The following OSBPL9 variants were observed in gnomAD, a reference collection of about 807,000 sequenced individuals.
The protein encoded by OSBPL9 is oxysterol binding protein like 9.
A neutral mutation model predicts 106.6 loss-of-function variants in OSBPL9; 40 were observed. The ratio of observed to expected loss-of-function variants is 0.38; its 90% confidence interval spans 0.29 to 0.49. The LOEUF is 0.49. Among genes scored for constraint, OSBPL9 ranks in the 20% least tolerant of loss-of-function variants. The pLI is 0.97. For synonymous variants in OSBPL9, 269 were observed against 295.4 expected, an observed-to-expected ratio of 0.91 and a Z score of 0.92; for missense variants, 609 against 887.2, an observed-to-expected ratio of 0.69 and a Z score of 3.98.
At chr1:51,689,475 A>T (rs1243032279) in intron 3 of OSBPL9, among the ~76,000 whole-genome samples, 2 of 151,970 alleles carry the variant, frequency 1.3e-5, no homozygotes, top group Admixed American at 6.6e-5. Context: ...TTGAAGTTCT[A>T]TATTTTCCCT....
At chr1:51,730,268 C>CTTTTT in intron 4 of OSBPL9, 1 of 771,066 alleles carries the variant, frequency 1.3e-6, no homozygotes, top group African/African-American at 1.8e-5. Context: ...GAGGAGGTCT[C>CTTTTT]TTTTTTTCTA....
chr1:51,591,772 A>G (rs867497643), intron 1 of OSBPL9, among the ~76,000 whole-genome samples: 1 of 149,374 alleles, frequency 6.7e-6, no homozygotes, highest in South Asian at 2.1e-4. Flanking sequence ...AGCCTGGGCA[A>G]CAGAGCAAGA....
At position 51,590,634 on chromosome 1, in the gene OSBPL9, AAG is replaced by A. The variant is rs1339485888; in HGVS notation, c.-422-7488_-422-7487del. Among the ~76,000 whole-genome samples, 310 of 151,426 alleles carry A rather than the reference AAG, an allele frequency of 2.0e-3. 1 individual carries two copies. The highest frequency in any genetic ancestry group is 7.3e-3 in the African/African-American group (300 of 41,302). On this transcript the variant is annotated intron_variant, in intron 1 of 25. Coordinates refer to the OSBPL9 transcript ENST00000371714. ...GACTCCGTCTCAAAAAAAAAAAAAA[AAG>A]AAAAAAAAGAAAAAAAAAGTCACGT...
chr1:51,627,377 A>G lies in OSBPL9; in HGVS notation c.111+10156A>G, dbSNP rs549084036. ...CATGTGGATATCCAGTTGTCCGAGC[A>G]TCATCTGTTGGAAAGACTTCTTTCT... On this transcript the variant is annotated intron_variant, in intron 1 of 23. Coordinates refer to ENST00000428468, the MANE Select transcript of OSBPL9 (RefSeq NM_024586.6). Among the ~76,000 whole-genome samples the G allele has an allele frequency of 1.1e-3, 174 of 152,112 alleles. 3 individuals are homozygous for G. The highest frequency in any genetic ancestry group is 3.1e-4 in the Non-Finnish European group (21 of 68,018).
At chr1:51,536,105 T>G in the OSBPL9 span, among the ~76,000 whole-genome samples, 1 of 152,142 alleles carries the variant, frequency 6.6e-6, no homozygotes. Context: ...CTTATATACC[T>G]ACATACCCAC....
chr1:51,675,460 C>A (rs1650965468), intron 3 of OSBPL9, among the ~76,000 whole-genome samples: 2 of 151,538 alleles, frequency 1.3e-5, no homozygotes, highest in Admixed American at 1.3e-4. Flanking sequence ...TTTATGTAGA[C>A]CGAATAAAAT....
chr1:51,519,268 G>A, the OSBPL9 span: 1 of 1,280,240 alleles, frequency 7.8e-7, no homozygotes, highest in African/African-American at 1.5e-5. Context: ...AAGGAAGACG[G>A]GCTGACTGGG....
intron 3 of OSBPL9, among the ~76,000 whole-genome samples, chr1:51,670,160 G>A (rs1309965503): frequency 6.6e-6 from 1 of 152,118 alleles, no homozygotes; most frequent in African/African-American, 2.4e-5. Context: ...ATTTTGCTTT[G>A]AAAACTCTAA....
chr1:51,784,430 T>C lies in OSBPL9; in HGVS notation c.1689-12T>C, dbSNP rs2149158212. 6.2e-7 allele frequency: 1 copy of C among 1,614,058 alleles called. No individual in the cohort carries two copies. Among genetic ancestry groups the C allele is most frequent in the Non-Finnish European group, 8.5e-7 (1 of 1,179,908 alleles). On this transcript the variant is annotated splice_polypyrimidine_tract_variant and intron_variant, in intron 19 of 23. Transcript: ENST00000428468. ...AACTGTCAACCTTACCTAAAAACTT[T>C]TGATTTTGCAGGTCTATCCTCACAG...
intron 3 of OSBPL9, among the ~76,000 whole-genome samples, chr1:51,677,716 A>C (rs1651607926): frequency 6.6e-6 from 1 of 151,948 alleles, no homozygotes; most frequent in African/African-American, 2.4e-5. Flanking sequence ...ACTCTCGGCT[A>C]ATTTTTGTAT....
chr1:51,519,257 G>T, the OSBPL9 span: 1 of 1,137,948 alleles, frequency 8.8e-7, no homozygotes, highest in Non-Finnish European at 1.1e-6. Context: ...CAAGGGAGGG[G>T]AAGGAAGACG....
At chr1:51,709,285 A>G in intron 3 of OSBPL9, 1 of 216,168 alleles carries the variant, frequency 4.6e-6, no homozygotes, top group Non-Finnish European at 9.8e-6. Flanking sequence ...CTGGAGGGGC[A>G]CCTGGCCAGC....
At chr1:51,628,686 T>C (rs1434567166) in intron 1 of OSBPL9, among the ~76,000 whole-genome samples, 1 of 140,316 alleles carries the variant, frequency 7.1e-6, no homozygotes, top group Admixed American at 7.0e-5. Context: ...CTTTTTTTCT[T>C]TTTTTTTTTT....
chr1:51,756,173 A>T, intron 8 of OSBPL9, 147 bp from the exon 9 acceptor site: 1 of 654,186 alleles, frequency 1.5e-6, no homozygotes, highest in East Asian at 2.8e-5. Flanking sequence ...AAGAATGTAC[A>T]CATGGAATTA....
At chr1:51,703,823 T>G (rs1284146509) in intron 3 of OSBPL9, among the ~76,000 whole-genome samples, 2 of 152,226 alleles carry the variant, frequency 1.3e-5, no homozygotes, top group Admixed American at 1.3e-4. Context: ...AACACCTAAT[T>G]TATTGAGAGT....
intron 12 of OSBPL9, among the ~76,000 whole-genome samples, chr1:51,768,081 A>G (rs1673003999): frequency 6.6e-6 from 1 of 151,204 alleles, no homozygotes. Context: ...AGCTGGGACT[A>G]CAGGCGCCCG....
chr1:51,589,712 G>C (rs1181124460), intron 1 of OSBPL9, among the ~76,000 whole-genome samples: 1 of 151,796 alleles, frequency 6.6e-6, no homozygotes, highest in African/African-American at 2.4e-5. Context: ...AATGTGGCTG[G>C]AACATAATGA....
intron 1 of OSBPL9, among the ~76,000 whole-genome samples, chr1:51,622,170 AG>A (rs1644478283): frequency 6.6e-6 from 1 of 152,204 alleles, no homozygotes; most frequent in South Asian, 2.1e-4. Flanking sequence ...AAAGGAAGAT[AG>A]GAAGAACAGG....
the OSBPL9 span, among the ~76,000 whole-genome samples, chr1:51,556,495 AG>A: frequency 6.6e-6 from 1 of 152,090 alleles, no homozygotes; most frequent in Non-Finnish European, 1.5e-5. Context: ...AGCTGGGGGT[AG>A]GGTGCTATGA....
Sources: gnomAD v4.1 joint callset for allele counts (sites outside exome capture counted in the v4.1 genomes callset) on GRCh38, gnomAD v4.1.1 for gene constraint, MANE v1.5 for transcripts, NCBI Gene and HGNC (gene_info 2026-07-23, HGNC 2026-07-21) for gene names.